C3orf22: variants seen among roughly 807,000 people sequenced by gnomAD.
C3orf22 encodes uncharacterized protein C3orf22.
Under a neutral mutation model 10.8 loss-of-function variants are expected in C3orf22, and 7 were observed. That is an observed-to-expected ratio of 0.65 (90% CI 0.37 to 1.22). The LOEUF is 1.22. Ranked by LOEUF, C3orf22 falls within the 50% of genes most tolerant of loss-of-function variation. The probability of loss-of-function intolerance (pLI) is 0.02; values close to 1 mark genes in which losing one functional copy is unlikely to be tolerated. For missense variants in C3orf22, 173 were observed against 177.0 expected, an observed-to-expected ratio of 0.98 and a Z score of 0.13; for synonymous variants, 79 against 78.9, an observed-to-expected ratio of 1.00 and a Z score of 0.00.
At chr3:126,546,720 C>G (rs1241881663), downstream of C3orf22, among the ~76,000 whole-genome samples, 1 of 152,158 alleles carries the variant, frequency 6.6e-6, no homozygotes, top group African/African-American at 2.4e-5. Context: ...TAACTCCCCC[C>G]AGCCTGTGGT....
chr3:126,542,110 C>T (rs1253242550), intron 4 of C3orf22: 7 of 1,580,078 alleles, frequency 4.4e-6, no homozygotes, highest in Admixed American at 1.7e-5. Flanking sequence ...CTTACCGCAA[C>T]AAGCTCGCGC....
intron 4 of C3orf22, among the ~76,000 whole-genome samples, chr3:126,534,755 A>G (rs1235287817): frequency 1.3e-5 from 2 of 149,642 alleles, no homozygotes; most frequent in East Asian, 4.0e-4. Flanking sequence ...CACCCAGGAG[A>G]CAGACAGACA....
At chr3:126,541,912 G>T in intron 4 of C3orf22, 1 of 1,599,836 alleles carries the variant, frequency 6.3e-7, no homozygotes, top group Middle Eastern at 1.7e-4. Flanking sequence ...GCACCAACTG[G>T]AAGCGCGTGC....
At chr3:126,535,951 T>C (rs1217998791) in intron 4 of C3orf22, among the ~76,000 whole-genome samples, 1 of 152,128 alleles carries the variant, frequency 6.6e-6, no homozygotes, top group Admixed American at 6.5e-5. Flanking sequence ...GTGGGTGAGT[T>C]TGGGTGATCT....
At chr3:126,543,653 T>C (rs1350581755) in intron 4 of C3orf22, among the ~76,000 whole-genome samples, 1 of 152,202 alleles carries the variant, frequency 6.6e-6, no homozygotes, top group Middle Eastern at 3.4e-3. Flanking sequence ...TGTGAGAGTG[T>C]GCATGAGTGT....
chr3:126,527,475 G>A (rs1475430861), exon 6 of C3orf22: 1 of 152,342 alleles, frequency 6.6e-6, no homozygotes, highest in Non-Finnish European at 1.5e-5. Context: ...CAAAGCTAGA[G>A]AGGGTTCCTT....
At chr3:126,555,397 G>A (rs551775478) in intron 1 of C3orf22, among the ~76,000 whole-genome samples, 23 of 152,316 alleles carry the variant, frequency 1.5e-4, no homozygotes, top group African/African-American at 5.3e-4. Context: ...CGGTACAGTC[G>A]CAGGAGACCT....
intron 4 of C3orf22, chr3:126,542,668 C>T (rs1936994829): frequency 1.5e-6 from 2 of 1,379,312 alleles, no homozygotes; most frequent in East Asian, 6.2e-5. Context: ...CAGGACCCCT[C>T]TTCAAGAGCC....
chr3:126,532,034 A>G (rs900813646), intron 4 of C3orf22, among the ~76,000 whole-genome samples: 6 of 152,184 alleles, frequency 3.9e-5, no homozygotes. Flanking sequence ...GATGTTGCGC[A>G]CCTTTTCATG....
At chr3:126,546,901 G>A (rs887297913), downstream of C3orf22, among the ~76,000 whole-genome samples, 4 of 152,162 alleles carry the variant, frequency 2.6e-5, no homozygotes, top group Admixed American at 1.3e-4. Flanking sequence ...CTGGTTCTGC[G>A]GGACTGAGGC....
chr3:126,542,287 G>C (rs1936980301), intron 4 of C3orf22: 2 of 1,565,838 alleles, frequency 1.3e-6, no homozygotes, highest in Non-Finnish European at 8.6e-7. Flanking sequence ...CCTTCAACGA[G>C]CACTGGGAGC....
chr3:126,545,423 C>T (rs1360212120), downstream of C3orf22, among the ~76,000 whole-genome samples: 1 of 152,208 alleles, frequency 6.6e-6, no homozygotes, highest in Non-Finnish European at 1.5e-5. Flanking sequence ...AAATGTTAAC[C>T]AACTTTCTGC....
chr3:126,546,163 G>A (rs1485245204), downstream of C3orf22, among the ~76,000 whole-genome samples: 1 of 152,158 alleles, frequency 6.6e-6, no homozygotes. Context: ...CAACCCTCCC[G>A]CAGTCTCCCT....
intron 4 of C3orf22, chr3:126,541,986 C>T (rs200175838): frequency 2.9e-5 from 45 of 1,563,644 alleles, no homozygotes; most frequent in Non-Finnish European, 3.7e-5. Context: ...GAGGCGCACG[C>T]GCCTGGCCGC....
chr3:126,538,296 A>G (rs1936841992), intron 4 of C3orf22, among the ~76,000 whole-genome samples: 1 of 152,212 alleles, frequency 6.6e-6, no homozygotes, highest in African/African-American at 2.4e-5. Context: ...CCTCCTGACT[A>G]TAAGAGGACT....
chr3:126,551,466 C>A (rs1937185586), intron 3 of C3orf22, among the ~76,000 whole-genome samples: 1 of 152,232 alleles, frequency 6.6e-6, no homozygotes, highest in South Asian at 2.1e-4. Flanking sequence ...GCCTGAGGGT[C>A]TGCTTTTCCG....
At chr3:126,550,355 C>T (rs1368065989) in intron 3 of C3orf22, among the ~76,000 whole-genome samples, 4 of 152,210 alleles carry the variant, frequency 2.6e-5, no homozygotes, top group Non-Finnish European at 5.9e-5. Context: ...TCCTGAGCCC[C>T]AGCCCATAAG....
chr3:126,528,169 G>A (rs997307536), intron 5 of C3orf22, among the ~76,000 whole-genome samples: 2 of 151,822 alleles, frequency 1.3e-5, no homozygotes, highest in Admixed American at 6.6e-5. Flanking sequence ...AGAGAGAATG[G>A]TGGGATGGAA....
intron 5 of C3orf22, among the ~76,000 whole-genome samples, chr3:126,528,694 G>C (rs1433081806): frequency 6.6e-6 from 1 of 152,282 alleles, no homozygotes; most frequent in South Asian, 2.1e-4. Flanking sequence ...GTGCTCAAGG[G>C]GGATCTGGGC....
Sources: gnomAD v4.1 joint callset for allele counts (sites outside exome capture counted in the v4.1 genomes callset) on GRCh38, gnomAD v4.1.1 for gene constraint, MANE v1.5 for transcripts, NCBI Gene and HGNC (gene_info 2026-07-23, HGNC 2026-07-21) for gene names.